CYP1B1: variants seen among roughly 807,000 people sequenced by gnomAD.
CYP1B1 encodes cytochrome P450 family 1 subfamily B member 1, also known as cytochrome P450 1B1.
CYP1B1 carries 22 observed loss-of-function variants against 29.9 expected under a neutral mutation model. The observed-to-expected ratio is 0.74, with a 90% CI of 0.53 to 1.05. CYP1B1 has a LOEUF of 1.05. Among genes scored for constraint, CYP1B1 ranks in the 50% least tolerant of loss-of-function variants. CYP1B1 has a pLI of 0.00. For synonymous variants in CYP1B1, 375 were observed against 320.0 expected, an observed-to-expected ratio of 1.17 and a Z score of -1.83; for missense variants, 883 against 746.9, an observed-to-expected ratio of 1.18 and a Z score of -2.12.
chr2:38,070,593 A>G lies in CYP1B1; in HGVS notation c.*129T>C. The G allele has an allele frequency of 1.2e-6, 1 of 832,574 alleles. No individual in the cohort carries two copies. 51.6% of individuals were successfully genotyped at this position (832,574 alleles called of 1,614,324 possible). Reference sequence around the variant, plus strand: ...ATGGAGCACACCTCACCTGATGGACAGTTGATTTATGCTCACCTTAAACGC... The same window carrying G: ...ATGGAGCACACCTCACCTGATGGACGGTTGATTTATGCTCACCTTAAACGC... On this transcript the variant is annotated 3_prime_UTR_variant, in exon 3 of 3. Transcript: ENST00000610745.
At chr2:38,072,948 T>C (rs1288267678) in intron 2 of CYP1B1, among the ~76,000 whole-genome samples, 1 of 152,230 alleles carries the variant, frequency 6.6e-6, no homozygotes, top group African/African-American at 2.4e-5. Flanking sequence ...CAAATTGTTT[T>C]ATTTCTTTTT....
rs766732450 is a variant in CYP1B1 at position 38,071,048 on chromosome 2, T to G, written c.1306A>C (p.Asn436His). 3.7e-5 allele frequency: 60 copies of G among 1,613,966 alleles called. 1 individual carries two copies. The South Asian group carries it at 6.4e-4, about 17-fold the overall frequency. ...CGAGCTGGATCAAAGTTCTCCGGGTTAGGCCACTTCAGTGGGTCATGATTC... is the reference window on the plus strand; with the variant it reads ...CGAGCTGGATCAAAGTTCTCCGGGTGAGGCCACTTCAGTGGGTCATGATTC... ...SVNHDPLKWP[N>H]PENFDPARFL... Residue 436 changes from asparagine to histidine, a missense_variant, in exon 3 of 3, where the codon AAC becomes CAC. Transcript: ENST00000610745.
At chr2:38,073,444 G>A (rs567521200) in intron 2 of CYP1B1, 1 of 152,234 alleles carries the variant, frequency 6.6e-6, no homozygotes, top group South Asian at 2.1e-4. Flanking sequence ...ACTACAGGCC[G>A]CCCAGTTAAA....
intron 2 of CYP1B1, chr2:38,074,061 G>A (rs1479749571): frequency 1.8e-6 from 1 of 546,066 alleles, no homozygotes; most frequent in Non-Finnish European, 3.3e-6. Context: ...TTTTTCCGGG[G>A]GGTGGAGGGG....
At position 38,071,377 on chromosome 2, in the gene CYP1B1, CATT is replaced by C. The variant is rs1442301281; in HGVS notation, c.1044-70_1044-68del. On this transcript the variant is annotated intron_variant, in intron 2 of 2. Coordinates refer to ENST00000610745, the MANE Select transcript of CYP1B1 (RefSeq NM_000104.4). ...AAATTCTTATTTCATCTAGAAAGCA[CATT>C]ATAATTTATTTTAATTCCACTTTTT... 76 of 1,397,574 alleles carry C rather than the reference CATT, an allele frequency of 5.4e-5. No individual in the cohort carries two copies. In the African/African-American group the frequency reaches 9.3e-4, roughly 17 times the overall value. The allele number at this position is 1,397,574 out of a possible 1,614,324, so 86.6% of individuals were successfully genotyped here. A position where few individuals can be genotyped will look rare whatever the true frequency, so the allele number is the denominator to read the frequency against.
In CYP1B1 at chr2:38,075,339, G is replaced by C. The variant is rs777984132; in HGVS notation, c.50C>G (p.Ser17Cys). The C allele has an allele frequency of 9.3e-6, 15 of 1,613,150 alleles. No individual in the cohort carries two copies. Among genetic ancestry groups the C allele is most frequent in the Middle Eastern group, 1.7e-4 (1 of 5,780 alleles). Residue 17 changes from serine to cysteine, a missense_variant, in exon 2 of 3, where the codon TCC (serine) becomes TGC (cysteine). Coordinates refer to ENST00000610745, the MANE Select transcript of CYP1B1 (RefSeq NM_000104.4). ...PNDPWPLNPL[S>C]IQQTTLLLLL... Reference sequence around the variant, plus strand: ...TAGCAGGAGCGTGGTCTGCTGGATGGACAGCGGGTTTAGCGGCCAAGGGTC... The same window carrying C: ...TAGCAGGAGCGTGGTCTGCTGGATGCACAGCGGGTTTAGCGGCCAAGGGTC...
At position 38,076,060 on chromosome 2, in the gene CYP1B1, T is replaced by G. The variant is rs550539628; in HGVS notation, c.-282A>C. ...TTCCTCACAGCGTTGAGATTGAGAC[T>G]GGGGGTCGGTGAGTGGCGTCAATTC... On this transcript the variant is annotated 5_prime_UTR_variant, in exon 1 of 3. Coordinates refer to ENST00000610745, the MANE Select transcript of CYP1B1 (RefSeq NM_000104.4). The G allele has an allele frequency of 6.5e-6, 1 of 154,530 alleles. No individual in the cohort carries two copies. Among genetic ancestry groups the G allele is most frequent in the Non-Finnish European group, 1.4e-5 (1 of 69,480 alleles). 9.6% of individuals were successfully genotyped at this position (154,530 alleles called of 1,614,324 possible). A position where few individuals can be genotyped will look rare whatever the true frequency, so the allele number is the denominator to read the frequency against.
intron 2 of CYP1B1, among the ~76,000 whole-genome samples, chr2:38,072,732 G>C (rs1682454816): frequency 6.6e-6 from 1 of 152,260 alleles, no homozygotes; most frequent in Non-Finnish European, 1.5e-5. Context: ...AGACTTTGTG[G>C]ACCAAACCCT....
rs992370496 is a variant in CYP1B1, at chr2:38,067,667, AT to A, written c.*3054del. On this transcript the variant is annotated 3_prime_UTR_variant, in exon 3 of 3. Coordinates refer to ENST00000610745, the MANE Select transcript of CYP1B1 (RefSeq NM_000104.4). ...GTCCCAGTATAAGTAATGAGATACA[AT>A]TTTTTTTTAATTTGGTATATCAAAC... The A allele has an allele frequency of 6.2e-5, 11 of 177,738 alleles. No homozygotes were observed. Among genetic ancestry groups the A allele is most frequent in the Admixed American group, 1.3e-4 (2 of 15,794 alleles). 11.0% of individuals were successfully genotyped at this position (177,738 alleles called of 1,614,324 possible). A position where few individuals can be genotyped will look rare whatever the true frequency, so the allele number is the denominator to read the frequency against.
chr2:38,075,433 A>G lies in CYP1B1; in HGVS notation c.-1-44T>C, dbSNP rs757601731. ...AGGCGTGACACTCAGGGGTGCAGAG[A>G]CAGGAGCGGGCGCCCCACGCCCCTA... On this transcript the variant is annotated intron_variant, in intron 1 of 2. Transcript: ENST00000610745. 4 of 1,594,432 alleles carry G rather than the reference A, an allele frequency of 2.5e-6. No individual in the cohort carries two copies. In the South Asian group the frequency reaches 4.5e-5, roughly 18 times the overall value.
rs55771538 is a variant in CYP1B1, at chr2:38,071,261, C to T, written c.1093G>A (p.Gly365Arg). The change falls in exon 3 of 3, where the codon GGG becomes AGG. Residue 365 changes from glycine (G) to arginine (R), a missense_variant. Gly to Arg is a moderately radical substitution (Grantham distance 125, BLOSUM62 -2). Transcript: ENST00000610745. The part of the protein sequence containing the change: ...RVQAELDQVV[G>R]RDRLPCMGDQ... Reference sequence around the variant, plus strand: ...CCCATACAAGGCAGACGGTCCCTCCCCACGACCTGATCCAATTCTGCCTGC... The same window carrying T: ...CCCATACAAGGCAGACGGTCCCTCCTCACGACCTGATCCAATTCTGCCTGC... The T allele has an allele frequency of 6.8e-6, 11 of 1,613,082 alleles. No individual in the cohort carries two copies. Among genetic ancestry groups the T allele is most frequent in the Non-Finnish European group, 7.6e-6 (9 of 1,180,044 alleles).
Position 38,070,622 on chromosome 2 carries a change from T to C in CYP1B1, c.*100A>G. 9.5e-7 allele frequency: 1 copy of C among 1,057,866 alleles called. No homozygotes were observed. Among genetic ancestry groups the C allele is most frequent in the Non-Finnish European group, 1.5e-6 (1 of 686,888 alleles). The allele number at this position is 1,057,866 out of a possible 1,614,324, so 65.5% of individuals were successfully genotyped here. A position where few individuals can be genotyped will look rare whatever the true frequency, so the allele number is the denominator to read the frequency against. On this transcript the variant is annotated 3_prime_UTR_variant, in exon 3 of 3. Transcript: ENST00000610745. ...GATTTATGCTCACCTTAAACGCTAATTGAGAAGCAGCACAAAAGAGGAACT... is the reference window on the plus strand; with the variant it reads ...GATTTATGCTCACCTTAAACGCTAACTGAGAAGCAGCACAAAAGAGGAACT...
chr2:38,074,595 T>A lies in CYP1B1; in HGVS notation c.794A>T (p.Asn265Ile), dbSNP rs776762098. Residue 265 changes from asparagine to isoleucine, a missense_variant, in exon 2 of 3, where the codon AAC becomes ATC. Physicochemically the swap from Asn to Ile is moderately radical, Grantham distance 149 (BLOSUM62 -3). Transcript: ENST00000610745. ...CAGGATGAAGTTGCTGAAGTTGCGG[T>A]TGAGCTGCTCGAATTCGCGGAAAAC... ...RTVFREFEQL[N>I]RNFSNFILDK... 6.2e-7 allele frequency: 1 copy of A among 1,613,042 alleles called. No individual in the cohort carries two copies. The highest frequency in any genetic ancestry group is 1.7e-5 in the Admixed American group (1 of 59,960).
Position 38,067,861 on chromosome 2 carries a change from T to A in CYP1B1, c.*2861A>T, listed in dbSNP as rs767958180. ...ATAAATGTCTACTAAAGTATACCTT[T>A]TAATCACACAGTTGTGTCACAGCTA... On this transcript the variant is annotated 3_prime_UTR_variant, in exon 3 of 3. Coordinates refer to ENST00000610745, the MANE Select transcript of CYP1B1 (RefSeq NM_000104.4). 1.5e-4 allele frequency: 28 copies of A among 187,196 alleles called. No individual in the cohort carries two copies. Among genetic ancestry groups the A allele is most frequent in the Non-Finnish European group, 2.8e-4 (25 of 88,510 alleles). 11.6% of individuals were successfully genotyped at this position (187,196 alleles called of 1,614,324 possible). A position where few individuals can be genotyped will look rare whatever the true frequency, so the allele number is the denominator to read the frequency against.
In CYP1B1 at chr2:38,068,224, A is replaced by G. The variant is rs572548236; in HGVS notation, c.*2498T>C. ...ATGAGGGTTTCTGATTAAAGCAGTA[A>G]TCTGATTACTCCAGCCTCCAAATTC... On this transcript the variant is annotated 3_prime_UTR_variant, in exon 3 of 3. Transcript: ENST00000610745. 1.0e-4 allele frequency: 22 copies of G among 217,568 alleles called. No individual in the cohort carries two copies. In the East Asian group the frequency reaches 1.4e-3, roughly 14 times the overall value. The allele number at this position is 217,568 out of a possible 1,614,324, so 13.5% of individuals were successfully genotyped here.
chr2:38,070,907 A>G lies in CYP1B1; in HGVS notation c.1447T>C (p.Phe483Leu), dbSNP rs1238183757. ...EELSKMQLFL[F>L]ISILAHQCDF... Reference sequence around the variant, plus strand: ...CACTGGTGAGCCAGGATGGAGATGAAGAGAAAAAGCTGCATCTTAGAAAGT... The same window carrying G: ...CACTGGTGAGCCAGGATGGAGATGAGGAGAAAAAGCTGCATCTTAGAAAGT... The change falls in exon 3 of 3, where the codon TTC becomes CTC. Residue 483 changes from phenylalanine (F) to leucine (L), a missense_variant. By Grantham distance (22) the Phe-to-Leu change is conservative (BLOSUM62 0). Transcript: ENST00000610745. The G allele has an allele frequency of 2.5e-6, 4 of 1,614,068 alleles. No homozygotes were observed. The East Asian group carries it at 8.9e-5, about 36-fold the overall frequency.
chr2:38,074,794 C>A lies in CYP1B1; in HGVS notation c.595G>T (p.Val199Leu), dbSNP rs756097458. The stretch of plus-strand genomic sequence containing the variant: ...GCACTCATGACGTTGGCCACGGCCA[C>A]GACGGTCAGCGGCCTCGGGTCGAGG... ...AFLDPRPLTV[V>L]AVANVMSAVC... is the part of the protein sequence containing the mutation. The change falls in exon 2 of 3, where the codon GTG becomes TTG. Residue 199 changes from valine to leucine, a missense_variant. Val to Leu is a conservative substitution (Grantham distance 32). Transcript: ENST00000610745. The A allele has an allele frequency of 4.4e-6, 7 of 1,583,556 alleles. No homozygotes were observed. The highest frequency in any genetic ancestry group is 6.0e-6 in the Non-Finnish European group (7 of 1,165,254).
Position 38,070,609 on chromosome 2 carries a change from C to T in CYP1B1, c.*113G>A. The stretch of plus-strand genomic sequence containing the variant: ...CTGATGGACAGTTGATTTATGCTCA[C>T]CTTAAACGCTAATTGAGAAGCAGCA... On this transcript the variant is annotated 3_prime_UTR_variant, in exon 3 of 3. Coordinates refer to ENST00000610745, the MANE Select transcript of CYP1B1 (RefSeq NM_000104.4). 1.0e-6 allele frequency: 1 copy of T among 959,194 alleles called. No homozygotes were observed. Among genetic ancestry groups the T allele is most frequent in the Non-Finnish European group, 1.6e-6 (1 of 608,062 alleles). 59.4% of individuals were successfully genotyped at this position (959,194 alleles called of 1,614,324 possible). A position where few individuals can be genotyped will look rare whatever the true frequency, so the allele number is the denominator to read the frequency against.
At position 38,074,486 on chromosome 2, in the gene CYP1B1, T is replaced by C; in HGVS notation, c.903A>G (p.Glu301=). Residue 301 remains glutamate (E), a synonymous_variant, in exon 2 of 3, where the codon GAA becomes GAG. Transcript: ENST00000610745. Reference sequence around the variant, plus strand: ...CGTGCGAGTCCCCGGCCGCCTTCTTTTCCGCAGAGAGGATAAAGGCGTCCA... The same window carrying C: ...CGTGCGAGTCCCCGGCCGCCTTCTTCTCCGCAGAGAGGATAAAGGCGTCCA... ...DMMDAFILSA[E]KKAAGDSHGG... 1 of 1,612,210 alleles carries C rather than the reference T, an allele frequency of 6.2e-7. No homozygotes were observed. The highest frequency in any genetic ancestry group is 8.5e-7 in the Non-Finnish European group (1 of 1,179,474).
Sources: allele counts gnomAD v4.1 joint callset (sites outside exome capture counted in the v4.1 genomes callset), GRCh38; gene constraint gnomAD v4.1.1; transcripts MANE v1.5; gene names NCBI Gene and HGNC (gene_info 2026-07-23, HGNC 2026-07-21).